The following ATG7 variants were observed in gnomAD, a reference collection of about 807,000 sequenced individuals.
The protein encoded by ATG7 is ubiquitin-like modifier-activating enzyme ATG7.
Under a neutral mutation model 82.4 loss-of-function variants are expected in ATG7, and 70 were observed. The ratio of observed to expected loss-of-function variants is 0.85; its 90% CI spans 0.70 to 1.04. The LOEUF (loss-of-function observed/expected upper bound fraction) is 1.04. Among genes scored for constraint, ATG7 ranks in the 50% least tolerant of loss-of-function variants. The pLI is 0.00. For synonymous variants in ATG7, 287 were observed against 313.0 expected (o/e 0.92, Z 0.88); for missense variants, 792 against 864.3 (o/e 0.92, Z 1.05).
intron 20 of ATG7, among the ~76,000 whole-genome samples, chr3:11,535,071 A>G (rs2092764495): frequency 6.6e-6 from 1 of 152,240 alleles, no homozygotes; most frequent in Admixed American, 6.5e-5. Context: ...CTCCTCAGGA[A>G]ATCTGTAAAG....
intron 19 of ATG7, among the ~76,000 whole-genome samples, chr3:11,411,107 A>G (rs1422895938): frequency 6.6e-6 from 1 of 151,830 alleles, no homozygotes; most frequent in South Asian, 2.1e-4. Flanking sequence ...AACACTTGTT[A>G]TTTTTCTTTT....
chr3:11,524,834 C>T (rs577609164), intron 20 of ATG7, among the ~76,000 whole-genome samples: 4 of 152,132 alleles, frequency 2.6e-5, no homozygotes, highest in South Asian at 2.1e-4. Context: ...CATTCTGAGT[C>T]GATAGCAGAT....
chr3:11,487,159 A>G lies in ATG7; in HGVS notation c.2079+60233A>G, dbSNP rs2089778972. Among the ~76,000 whole-genome samples the G allele has an allele frequency of 2.1e-5, 3 of 145,188 alleles. No individual in the cohort carries two copies. The South Asian group carries it at 6.8e-4, about 33-fold the overall frequency. On this transcript the variant is annotated intron_variant, in intron 20 of 20. Transcript: ENST00000693202. ...AGAGCACAGGGTTGGGGGTAAGGTC[A>G]CAGATCAACAGGATCCCAAGGCAGA...
At chr3:11,483,367 G>C (rs1228811982) in intron 20 of ATG7, among the ~76,000 whole-genome samples, 2 of 152,122 alleles carry the variant, frequency 1.3e-5, no homozygotes, top group Non-Finnish European at 2.9e-5. Context: ...GTGGTTCTTA[G>C]AATTGTCAGA....
chr3:11,422,317 T>G (rs901848450), intron 19 of ATG7, among the ~76,000 whole-genome samples: 16 of 152,228 alleles, frequency 1.1e-4, no homozygotes, highest in Admixed American at 3.9e-4. Flanking sequence ...CTGAGCTAGA[T>G]CTCATAATAA....
chr3:11,569,058 T>C, the ATG7 span: 5 of 482,436 alleles, frequency 1.0e-5, no homozygotes, highest in Non-Finnish European at 1.4e-5. Flanking sequence ...AAACCAAGAA[T>C]GTCCATAACA....
At chr3:11,570,194 C>G in the ATG7 span, among the ~76,000 whole-genome samples, 1 of 152,054 alleles carries the variant, frequency 6.6e-6, no homozygotes, top group Admixed American at 6.6e-5. Context: ...CCACAGACAC[C>G]GGCCCTGTGG....
intron 19 of ATG7, among the ~76,000 whole-genome samples, chr3:11,422,378 G>T (rs1394358719): frequency 6.6e-6 from 1 of 152,212 alleles, no homozygotes; most frequent in Non-Finnish European, 1.5e-5. Context: ...TCACTTTTAT[G>T]TTATGGAGAC....
intron 20 of ATG7, among the ~76,000 whole-genome samples, chr3:11,507,960 A>C (rs2091832392): frequency 6.6e-6 from 1 of 151,862 alleles, no homozygotes; most frequent in African/African-American, 2.4e-5. Flanking sequence ...ATTAAAAAAA[A>C]AACAAAAAAA....
At chr3:11,530,106 A>C (rs936819497) in intron 20 of ATG7, among the ~76,000 whole-genome samples, 4 of 152,176 alleles carry the variant, frequency 2.6e-5, no homozygotes, top group African/African-American at 9.7e-5. Context: ...GGTTGCAGGC[A>C]GGCCTGAGAA....
intron 14 of ATG7, among the ~76,000 whole-genome samples, chr3:11,353,015 A>T (rs2075677581): frequency 6.6e-6 from 1 of 152,242 alleles, no homozygotes; most frequent in South Asian, 2.1e-4. Context: ...GATTGGTTTT[A>T]TTAATGCAAG....
chr3:11,521,022 G>A (rs1241638478), intron 20 of ATG7, among the ~76,000 whole-genome samples: 1 of 152,204 alleles, frequency 6.6e-6, no homozygotes, highest in Non-Finnish European at 1.5e-5. Flanking sequence ...AGGGAGAATA[G>A]CAGAGTGGAC....
intron 20 of ATG7, chr3:11,488,611 C>T (rs1194375163): frequency 9.7e-5 from 43 of 441,210 alleles, no homozygotes; most frequent in Non-Finnish European, 9.6e-5. Flanking sequence ...GACCCCAGCC[C>T]GCGGGCCTTC....
the ATG7 span, chr3:11,565,130 G>T: frequency 9.0e-7 from 1 of 1,114,070 alleles, no homozygotes; most frequent in Non-Finnish European, 1.2e-6. The surrounding 1 kb of genome is among the most constrained non-coding windows in gnomAD (Gnocchi z 4.1). Context: ...CTGAAGCTCA[G>T]GTCGTGTGGC....
chr3:11,409,652 C>T (rs2080704772), intron 19 of ATG7, among the ~76,000 whole-genome samples: 1 of 152,160 alleles, frequency 6.6e-6, no homozygotes, highest in Non-Finnish European at 1.5e-5. Flanking sequence ...AACCCAGAGT[C>T]ATCTAGATTT....
intron 19 of ATG7, among the ~76,000 whole-genome samples, chr3:11,426,096 G>T (rs2082341297): frequency 6.6e-6 from 1 of 152,048 alleles, no homozygotes; most frequent in Non-Finnish European, 1.5e-5. Context: ...GTGTCTTCTG[G>T]TGCACATATG....
In ATG7 at chr3:11,298,678, T is replaced by G. The variant is rs761347821; in HGVS notation, c.-10-8T>G. The G allele has an allele frequency of 6.8e-6, 11 of 1,610,254 alleles. No homozygotes were observed. The highest frequency in any genetic ancestry group is 6.7e-5 in the Admixed American group (4 of 59,398). On this transcript the variant is annotated splice_region_variant and splice_polypyrimidine_tract_variant and intron_variant, in intron 3 of 20. Coordinates refer to ENST00000693202, the MANE Select transcript of ATG7 (RefSeq NM_001349232.2). ...TATTTTGCTGTGTTCTGTTTTGTTT[T>G]TTAATAGGCAAGAAATAATGGCGGC...
intron 20 of ATG7, among the ~76,000 whole-genome samples, chr3:11,542,773 C>G (rs2070939308): frequency 6.6e-6 from 1 of 152,202 alleles, no homozygotes; most frequent in Non-Finnish European, 1.5e-5. Context: ...CCAGCCTGGG[C>G]TCTGTTCTTG....
chr3:11,316,544 G>C (rs1338133758), intron 9 of ATG7, among the ~76,000 whole-genome samples: 1 of 152,180 alleles, frequency 6.6e-6, no homozygotes, highest in Non-Finnish European at 1.5e-5. Context: ...TGAAGTCACT[G>C]CATTTATTCC....
Sources: gnomAD v4.1 joint callset for allele counts (sites outside exome capture counted in the v4.1 genomes callset) on GRCh38, gnomAD v4.1.1 for gene constraint, Gnocchi (gnomAD v3.1) non-coding constraint, MANE v1.5 for transcripts, NCBI Gene and HGNC (gene_info 2026-07-23, HGNC 2026-07-21) for gene names.